The following SMAD3 variants were observed in gnomAD, a reference collection of about 807,000 sequenced individuals.
SMAD3 encodes the protein SMAD family member 3, also known as MAD homolog 3.
In SMAD3, 12 loss-of-function variants were observed where a neutral mutation model predicts 51.8. The observed-to-expected ratio is 0.23, with a 90% CI of 0.15 to 0.38. The LOEUF is 0.38. SMAD3 is among the 10% of genes least tolerant of loss of function. SMAD3 has a pLI of 1.00. For missense variants in SMAD3, 294 were observed against 565.6 expected, an observed-to-expected ratio of 0.52 and a Z score of 4.87; for synonymous variants, 238 against 227.7, an observed-to-expected ratio of 1.05 and a Z score of -0.41.
chr15:67,109,442 G>T (rs1426931171), intron 1 of SMAD3, among the ~76,000 whole-genome samples: 1 of 152,136 alleles, frequency 6.6e-6, no homozygotes, highest in East Asian at 1.9e-4. Context: ...ACCCCATGCT[G>T]CATGTAAGTC....
intron 5 of SMAD3, among the ~76,000 whole-genome samples, chr15:67,175,258 G>A (rs1962858974): frequency 6.6e-6 from 1 of 152,184 alleles, no homozygotes; most frequent in Non-Finnish European, 1.5e-5. Context: ...AGCCCTGAGG[G>A]AGCAGTTGAG....
Position 67,138,037 on chromosome 15 carries a change from T to C in SMAD3, c.207-26858T>C, listed in dbSNP as rs1253703376. 7 of 1,551,148 alleles carry C rather than the reference T, an allele frequency of 4.5e-6. No individual in the cohort carries two copies. In the East Asian group the frequency reaches 1.2e-4, roughly 27 times the overall value. ...CCCAACTTCACAAACATGTCTTGCC[T>C]GCACCCTAGGCAAACGTGGAAAGGC... On this transcript the variant is annotated intron_variant, in intron 1 of 8. Coordinates refer to ENST00000327367, the MANE Select transcript of SMAD3 (RefSeq NM_005902.4).
intron 1 of SMAD3, among the ~76,000 whole-genome samples, chr15:67,143,781 C>T (rs1159719912): frequency 1.3e-5 from 2 of 151,990 alleles, no homozygotes; most frequent in Admixed American, 6.6e-5. Context: ...CTCGCACTGT[C>T]GCCTGGGCTA....
chr15:67,104,045 C>G (rs890346247), intron 1 of SMAD3, among the ~76,000 whole-genome samples: 3 of 152,098 alleles, frequency 2.0e-5, no homozygotes, highest in African/African-American at 4.8e-5. Context: ...ACAACGGGCC[C>G]TATTTTTAAA....
At chr15:67,095,169 C>G (rs1017335506) in intron 1 of SMAD3, among the ~76,000 whole-genome samples, 1 of 152,140 alleles carries the variant, frequency 6.6e-6, no homozygotes, top group Non-Finnish European at 1.5e-5. Flanking sequence ...CCCTGCTTTA[C>G]TGGGTGGACA....
chr15:67,089,942 C>A (rs1267197411), intron 1 of SMAD3, among the ~76,000 whole-genome samples: 1 of 152,170 alleles, frequency 6.6e-6, no homozygotes, highest in African/African-American at 2.4e-5. Flanking sequence ...GGTGGTCTAA[C>A]CAGTGGCCAG....
At chr15:67,116,404 A>G (rs1961135966) in intron 1 of SMAD3, among the ~76,000 whole-genome samples, 1 of 152,188 alleles carries the variant, frequency 6.6e-6, no homozygotes, top group Non-Finnish European at 1.5e-5. Context: ...AAAACTGATC[A>G]TGTGGCCTCC....
At chr15:67,164,221 G>A (rs1175857930) in intron 1 of SMAD3, among the ~76,000 whole-genome samples, 3 of 150,318 alleles carry the variant, frequency 2.0e-5, no homozygotes, top group South Asian at 2.1e-4. Context: ...AGGCTGAGGC[G>A]GGAGAATGGC....
intron 1 of SMAD3, among the ~76,000 whole-genome samples, chr15:67,116,107 A>G (rs1961129155): frequency 6.6e-6 from 1 of 152,216 alleles, no homozygotes; most frequent in Non-Finnish European, 1.5e-5. Flanking sequence ...AGTTTATCTC[A>G]GCTGGCCTTT....
intron 1 of SMAD3, among the ~76,000 whole-genome samples, chr15:67,066,650 C>T (rs1046514540): frequency 2.0e-5 from 3 of 152,210 alleles, no homozygotes; most frequent in Non-Finnish European, 4.4e-5. Flanking sequence ...CGGGTTGCTG[C>T]GGGACTCGGC....
At chr15:67,178,309 G>A (rs917939991) in intron 5 of SMAD3, among the ~76,000 whole-genome samples, 2 of 152,144 alleles carry the variant, frequency 1.3e-5, no homozygotes, top group Admixed American at 6.5e-5. Context: ...CTGGGTTGCC[G>A]TTCCTGGGAG....
intron 1 of SMAD3, among the ~76,000 whole-genome samples, chr15:67,080,526 TG>T (rs1960258428): frequency 6.6e-6 from 1 of 152,104 alleles, no homozygotes; most frequent in Admixed American, 6.5e-5. Flanking sequence ...CAGTGCAACT[TG>T]GATGATATTT....
intron 1 of SMAD3, among the ~76,000 whole-genome samples, chr15:67,100,180 T>TAAAAAAAA (rs34746545): frequency 9.1e-6 from 1 of 109,926 alleles, no homozygotes; most frequent in Non-Finnish European, 1.8e-5. Context: ...AAACTCCATC[T>TAAAAAAAA]AAAAAAAAAA....
intron 1 of SMAD3, chr15:67,125,953 C>CAA (rs1262603284): frequency 1.0e-6 from 1 of 985,534 alleles, no homozygotes; most frequent in East Asian, 1.1e-4. Flanking sequence ...TGGAAACCCA[C>CAA]ACTCGGGCCT....
intron 1 of SMAD3, among the ~76,000 whole-genome samples, chr15:67,089,575 A>G (rs1028527251): frequency 2.6e-5 from 4 of 152,048 alleles, no homozygotes; most frequent in Non-Finnish European, 4.4e-5. Flanking sequence ...CTTTGTCTAC[A>G]CTGTGTTGCC....
At chr15:67,125,116 G>A (rs1386606032) in intron 1 of SMAD3, among the ~76,000 whole-genome samples, 1 of 152,210 alleles carries the variant, frequency 6.6e-6, no homozygotes, top group African/African-American at 2.4e-5. Flanking sequence ...GTGTTGAATG[G>A]CTACAGGCCC....
intron 1 of SMAD3, among the ~76,000 whole-genome samples, chr15:67,086,269 A>G (rs1023753419): frequency 1.7e-4 from 26 of 151,798 alleles, no homozygotes; most frequent in African/African-American, 6.3e-4. Context: ...GGTGTGTGTT[A>G]CTCCCTGCTG....
At chr15:67,107,476 C>T (rs1374038687) in intron 1 of SMAD3, among the ~76,000 whole-genome samples, 1 of 152,204 alleles carries the variant, frequency 6.6e-6, no homozygotes, top group Non-Finnish European at 1.5e-5. Context: ...CTCCTGCCCT[C>T]CTGCCCTCCT....
chr15:67,193,087 T>G lies in SMAD3; in HGVS notation c.*2551T>G, dbSNP rs1391000160. The G allele has an allele frequency of 8.6e-6, 2 of 233,256 alleles. No homozygotes were observed. The highest frequency in any genetic ancestry group is 1.7e-5 in the Non-Finnish European group (2 of 118,030). The allele number at this position is 233,256 out of a possible 1,614,324, so 14.4% of individuals were successfully genotyped here. On this transcript the variant is annotated 3_prime_UTR_variant, in exon 9 of 9. Transcript: ENST00000327367. ...GTGCTACATAGGTGCTTTGGGCGTA[T>G]GTAACATTAGTGTCCTTCCTTGAAG... is the stretch of plus-strand genomic sequence containing the variant.
Sources: gnomAD v4.1 joint callset for allele counts (sites outside exome capture counted in the v4.1 genomes callset) on GRCh38, gnomAD v4.1.1 for gene constraint, MANE v1.5 for transcripts, NCBI Gene and HGNC (gene_info 2026-07-23, HGNC 2026-07-21) for gene names.